The following DTWD2 variants were observed in gnomAD, a reference collection of about 807,000 sequenced individuals.
The protein encoded by DTWD2 is tRNA-uridine aminocarboxypropyltransferase 2.
DTWD2 carries 39 observed loss-of-function variants against 31.8 expected under a neutral mutation model. That is an observed-to-expected ratio of 1.22 (90% confidence interval 0.95 to 1.60). DTWD2 has a LOEUF of 1.60. Ranked by LOEUF, DTWD2 falls within the 40% of genes most tolerant of loss-of-function variation. The pLI is 0.00. For synonymous variants in DTWD2, 180 were observed against 142.8 expected (o/e 1.26, Z -1.86); for missense variants, 515 against 381.5 (o/e 1.35, Z -2.92).
chr5:118,853,073 G>C (rs1243853418), intron 4 of DTWD2, among the ~76,000 whole-genome samples: 2 of 152,150 alleles, frequency 1.3e-5, no homozygotes, highest in South Asian at 4.1e-4. Context: ...AGAGGAGAGA[G>C]GAAGTGGGGC....
chr5:118,951,124 C>T (rs1218899818), intron 1 of DTWD2, among the ~76,000 whole-genome samples: 2 of 152,084 alleles, frequency 1.3e-5, no homozygotes, highest in African/African-American at 4.8e-5. Context: ...CTTGACCATG[C>T]CTTTAGCTCC....
chr5:118,901,214 C>T (rs1294982241), intron 4 of DTWD2, among the ~76,000 whole-genome samples: 2 of 152,018 alleles, frequency 1.3e-5, no homozygotes, highest in African/African-American at 2.4e-5. Context: ...ACAATCAACA[C>T]CCTATGACTT....
At chr5:118,938,603 G>A (rs1754103659) in intron 3 of DTWD2, among the ~76,000 whole-genome samples, 1 of 151,924 alleles carries the variant, frequency 6.6e-6, no homozygotes, top group African/African-American at 2.4e-5. Flanking sequence ...AGTCCCAGCT[G>A]CTCAGGAAGC....
intron 4 of DTWD2, among the ~76,000 whole-genome samples, chr5:118,867,026 T>C (rs935717087): frequency 1.3e-5 from 2 of 152,104 alleles, no homozygotes; most frequent in African/African-American, 4.8e-5. Context: ...TGAAAAGACA[T>C]TTTTAGGCTG....
intron 4 of DTWD2, among the ~76,000 whole-genome samples, chr5:118,914,406 G>A (rs1348957317): frequency 1.3e-5 from 2 of 152,156 alleles, no homozygotes; most frequent in Non-Finnish European, 2.9e-5. Context: ...CTCCAGAACT[G>A]TGAGCCAGAA....
chr5:118,947,173 C>T (rs1241508826), intron 1 of DTWD2, among the ~76,000 whole-genome samples: 7 of 152,170 alleles, frequency 4.6e-5, no homozygotes, highest in African/African-American at 1.7e-4. Context: ...AGGTGCAAAA[C>T]TCCATGGGGC....
chr5:118,884,326 C>A (rs1301130087), intron 4 of DTWD2, among the ~76,000 whole-genome samples: 3 of 152,158 alleles, frequency 2.0e-5, no homozygotes, highest in African/African-American at 7.2e-5. Flanking sequence ...TGCTGTCTTG[C>A]TTATCCTGAG....
Position 118,848,141 on chromosome 5 carries a change from C to G in DTWD2, c.675G>C (p.Glu225Asp), listed in dbSNP as rs779745044. Residue 225 changes from glutamate (E) to aspartate (D), a missense_variant, in exon 5 of 6, where the codon GAG becomes GAC. Physicochemically the swap from Glu to Asp is conservative, Grantham distance 45 (BLOSUM62 2). Transcript: ENST00000510708. The part of the protein sequence containing the change: ...QPTNRCLSTL[E>D]CAAVALSILE... ...AGATGGAAAGAGCAACAGCTGCACA[C>G]TCCAGTGTAGAAAGGCATCTATTAG... 1 of 1,607,032 alleles carries G rather than the reference C, an allele frequency of 6.2e-7. No homozygotes were observed. Among genetic ancestry groups the G allele is most frequent in the South Asian group, 1.1e-5 (1 of 89,636 alleles).
chr5:118,907,739 A>AT (rs1228729234), intron 4 of DTWD2, among the ~76,000 whole-genome samples: 2 of 152,074 alleles, frequency 1.3e-5, no homozygotes, highest in Non-Finnish European at 2.9e-5. Flanking sequence ...AAAAAAAAAA[A>AT]AAAAGTCCAA....
intron 5 of DTWD2, among the ~76,000 whole-genome samples, chr5:118,844,888 T>C (rs895719548): frequency 6.6e-6 from 1 of 152,144 alleles, no homozygotes; most frequent in Admixed American, 6.5e-5. Flanking sequence ...AATTCCAACA[T>C]TTTGGCAGGC....
intron 4 of DTWD2, among the ~76,000 whole-genome samples, chr5:118,901,983 A>C (rs1237419125): frequency 6.6e-6 from 1 of 152,198 alleles, no homozygotes; most frequent in Non-Finnish European, 1.5e-5. Context: ...AATTCTTTTT[A>C]ATAATTCATA....
chr5:118,971,737 T>C (rs1420059893), intron 1 of DTWD2, among the ~76,000 whole-genome samples: 1 of 152,110 alleles, frequency 6.6e-6, no homozygotes, highest in Admixed American at 6.6e-5. Flanking sequence ...TGGAAATCAC[T>C]CCTCAGCAAA....
chr5:118,935,240 T>G (rs1333130828), intron 3 of DTWD2, among the ~76,000 whole-genome samples: 1 of 152,208 alleles, frequency 6.6e-6, no homozygotes, highest in Non-Finnish European at 1.5e-5. Flanking sequence ...GTATCTCACC[T>G]GTACCCTTTG....
At chr5:118,953,522 G>C (rs1400817016) in intron 1 of DTWD2, among the ~76,000 whole-genome samples, 1 of 152,148 alleles carries the variant, frequency 6.6e-6, no homozygotes, top group African/African-American at 2.4e-5. Flanking sequence ...AAGCAACACT[G>C]TATGTGATTT....
rs574115449 is a variant in DTWD2, at chr5:118,939,057, G to C, written c.404+139C>G. Reference sequence around the variant, plus strand: ...GTCTTGTATTATTTTGTGTGGTCAGGGGTTAGCAGAACCTAAATTTTTTGA... The same window carrying C: ...GTCTTGTATTATTTTGTGTGGTCAGCGGTTAGCAGAACCTAAATTTTTTGA... On this transcript the variant is annotated intron_variant, in intron 3 of 5. Coordinates refer to ENST00000510708, the MANE Select transcript of DTWD2 (RefSeq NM_173666.4). 1,022 of 565,648 alleles carry C rather than the reference G, an allele frequency of 1.8e-3. 1 individual carries two copies. The highest frequency in any genetic ancestry group is 2.2e-3 in the Admixed American group (54 of 24,756). The allele number at this position is 565,648 out of a possible 1,614,324, so 35.0% of individuals were successfully genotyped here.
intron 4 of DTWD2, among the ~76,000 whole-genome samples, chr5:118,866,279 TA>T (rs1752379210): frequency 6.6e-6 from 1 of 152,136 alleles, no homozygotes; most frequent in Admixed American, 6.6e-5. Context: ...CCTTACAGTT[TA>T]AAAATTTTAT....
intron 4 of DTWD2, among the ~76,000 whole-genome samples, chr5:118,872,805 C>T (rs822747): frequency 0.013 from 2,050 of 152,264 alleles, 55 homozygotes; most frequent in African/African-American, 0.047. Flanking sequence ...AGCAGAGTTG[C>T]TACAAATCTT....
chr5:118,968,894 C>T (rs1219975864), intron 1 of DTWD2, among the ~76,000 whole-genome samples: 1 of 152,194 alleles, frequency 6.6e-6, no homozygotes, highest in Non-Finnish European at 1.5e-5. Context: ...TCCAGCTGGC[C>T]AGTGGCAGGA....
At chr5:118,885,750 G>A (rs1352099045) in intron 4 of DTWD2, among the ~76,000 whole-genome samples, 1 of 150,422 alleles carries the variant, frequency 6.6e-6, no homozygotes, top group African/African-American at 2.4e-5. Context: ...TGGGCAAAAA[G>A]AGTGAAACTC....
Sources: allele counts gnomAD v4.1 joint callset (sites outside exome capture counted in the v4.1 genomes callset), GRCh38; gene constraint gnomAD v4.1.1; transcripts MANE v1.5; gene names NCBI Gene and HGNC (gene_info 2026-07-23, HGNC 2026-07-21).